The following FMN1 variants were observed in gnomAD, a reference collection of about 807,000 sequenced individuals.
FMN1 encodes the protein formin-1.
Under a neutral mutation model 132.4 loss-of-function variants are expected in FMN1, and 110 were observed. The observed-to-expected ratio is 0.83, with a 90% confidence interval of 0.71 to 0.97. FMN1 has a LOEUF of 0.97. FMN1 is among the 50% of genes least tolerant of loss of function. The probability of loss-of-function intolerance (pLI) is 0.00; values close to 1 mark genes in which losing one functional copy is unlikely to be tolerated. For synonymous variants in FMN1, 722 were observed against 651.7 expected, an observed-to-expected ratio of 1.11 and a Z score of -1.64; for missense variants, 1,792 against 1,705.3, an observed-to-expected ratio of 1.05 and a Z score of -0.90.
At chr15:33,003,181 G>C (rs2034212249) in intron 7 of FMN1, among the ~76,000 whole-genome samples, 1 of 152,172 alleles carries the variant, frequency 6.6e-6, no homozygotes. Context: ...ATTCAACAAA[G>C]TGTTGGAAGT....
intron 6 of FMN1, among the ~76,000 whole-genome samples, chr15:33,046,242 A>G (rs987850747): frequency 2.6e-5 from 4 of 152,192 alleles, no homozygotes; most frequent in African/African-American, 9.7e-5. Flanking sequence ...CTTACACATT[A>G]GGCCTGGGAA....
chr15:33,029,596 A>C (rs2035840649), intron 6 of FMN1, among the ~76,000 whole-genome samples: 1 of 152,170 alleles, frequency 6.6e-6, no homozygotes, highest in African/African-American at 2.4e-5. Flanking sequence ...GGAAGAGCCA[A>C]ACGTTTGGAT....
At chr15:32,837,785 A>G (rs1049236410) in intron 17 of FMN1, among the ~76,000 whole-genome samples, 1 of 152,198 alleles carries the variant, frequency 6.6e-6, no homozygotes, top group Non-Finnish European at 1.5e-5. Context: ...CATATAGTAG[A>G]TAACTTATAA....
At chr15:32,782,978 T>C (rs768472699) in intron 19 of FMN1, among the ~76,000 whole-genome samples, 13 of 119,336 alleles carry the variant, frequency 1.1e-4, no homozygotes, top group Non-Finnish European at 2.0e-4. Flanking sequence ...TAGAGGGAAA[T>C]AACAGACGCT....
intron 7 of FMN1, among the ~76,000 whole-genome samples, chr15:32,985,307 G>A (rs1207086012): frequency 1.3e-5 from 2 of 151,908 alleles, no homozygotes; most frequent in Non-Finnish European, 2.9e-5. Context: ...CAAATTCCTG[G>A]TCCTCTTCCT....
At chr15:33,016,794 C>T (rs150390774) in intron 6 of FMN1, among the ~76,000 whole-genome samples, 10 of 152,294 alleles carry the variant, frequency 6.6e-5, no homozygotes, top group Admixed American at 2.6e-4. Context: ...CACACCTGGG[C>T]GATCTGATAG....
chr15:32,905,165 C>T (rs1402132987), intron 12 of FMN1, among the ~76,000 whole-genome samples: 2 of 152,228 alleles, frequency 1.3e-5, no homozygotes, highest in Non-Finnish European at 2.9e-5. Context: ...TTCTGTGTCT[C>T]ACATTATTTG....
At chr15:33,152,954 A>C (rs992858867) in intron 4 of FMN1, 94 bp downstream of exon 4, 3 of 1,308,040 alleles carry the variant, frequency 2.3e-6, no homozygotes, top group Non-Finnish European at 3.1e-6. Flanking sequence ...ATTTTGGTCC[A>C]TTGTTAATCA....
intron 15 of FMN1, among the ~76,000 whole-genome samples, chr15:32,893,410 G>T (rs1156747563): frequency 6.6e-6 from 1 of 152,270 alleles, no homozygotes; most frequent in East Asian, 1.9e-4. Flanking sequence ...TAGAAAAAAG[G>T]AAATGTTGCT....
At chr15:33,030,577 A>G (rs2035889552) in intron 6 of FMN1, among the ~76,000 whole-genome samples, 1 of 152,234 alleles carries the variant, frequency 6.6e-6, no homozygotes, top group Non-Finnish European at 1.5e-5. Flanking sequence ...TGATAACACT[A>G]AAATAGAATT....
intron 12 of FMN1, among the ~76,000 whole-genome samples, chr15:32,906,666 A>G (rs550388155): frequency 6.6e-6 from 1 of 152,362 alleles, no homozygotes; most frequent in East Asian, 1.9e-4. Flanking sequence ...GTGTTGAAAC[A>G]GCCCATTATT....
At chr15:33,123,861 C>T (rs1406177461) in intron 4 of FMN1, among the ~76,000 whole-genome samples, 1 of 152,170 alleles carries the variant, frequency 6.6e-6, no homozygotes, top group Non-Finnish European at 1.5e-5. Context: ...CCAAAAAGTC[C>T]AGGATTACAG....
intron 6 of FMN1, chr15:33,012,652 GC>G: frequency 1.1e-6 from 1 of 901,174 alleles, no homozygotes. Flanking sequence ...AGGTAGGAAA[GC>G]CCTGTCAAAG....
intron 16 of FMN1, among the ~76,000 whole-genome samples, chr15:32,877,978 G>A (rs887263197): frequency 5.3e-5 from 8 of 152,104 alleles, no homozygotes; most frequent in African/African-American, 1.9e-4. Flanking sequence ...TCATGAAGCT[G>A]GTGGAGGAAG....
intron 16 of FMN1, among the ~76,000 whole-genome samples, chr15:32,857,774 T>C (rs990445929): frequency 1.3e-5 from 2 of 152,244 alleles, no homozygotes. Flanking sequence ...CTGAGGTGAC[T>C]TGACTTTTTA....
chr15:32,926,047 G>C (rs1364555710), intron 10 of FMN1, 127 bp downstream of exon 10: 15 of 594,932 alleles, frequency 2.5e-5, no homozygotes, highest in Non-Finnish European at 2.9e-6. Context: ...TGATGGTTCT[G>C]TAGCTGAGTA....
intron 5 of FMN1, among the ~76,000 whole-genome samples, chr15:33,075,020 C>CAAAAAAAAAAAAAAAAA (rs57504432): frequency 1.6e-5 from 1 of 61,690 alleles, no homozygotes; most frequent in Non-Finnish European, 2.8e-5. Flanking sequence ...GATTCCATCT[C>CAAAAAAAAAAAAAAAAA]AAAAAAAAAA....
intron 19 of FMN1, among the ~76,000 whole-genome samples, chr15:32,783,477 T>A (rs2056737662): frequency 6.6e-6 from 1 of 152,102 alleles, no homozygotes; most frequent in Non-Finnish European, 1.5e-5. Flanking sequence ...CCGGGTGTGG[T>A]GGCTCACGCC....
intron 16 of FMN1, among the ~76,000 whole-genome samples, chr15:32,868,546 AGTT>A (rs1470086709): frequency 7.9e-5 from 12 of 152,316 alleles, no homozygotes; most frequent in East Asian, 5.8e-4. Flanking sequence ...AACATATCCC[AGTT>A]GTTAAGTGAC....
Sources: gnomAD v4.1 joint callset for allele counts (sites outside exome capture counted in the v4.1 genomes callset) on GRCh38, gnomAD v4.1.1 for gene constraint, MANE v1.5 for transcripts, NCBI Gene and HGNC (gene_info 2026-07-23, HGNC 2026-07-21) for gene names.